The following FAM83D variants were observed in gnomAD, a reference collection of about 807,000 sequenced individuals.
FAM83D encodes protein FAM83D.
A neutral mutation model predicts 25.4 loss-of-function variants in FAM83D; 26 were observed. That is an observed-to-expected ratio of 1.02 (90% CI 0.75 to 1.42). FAM83D has a LOEUF of 1.42. FAM83D is among the 40% of genes most tolerant of loss of function. FAM83D has a pLI of 0.00. For synonymous variants in FAM83D, 310 were observed against 318.5 expected (o/e 0.97, Z 0.28); for missense variants, 740 against 758.1 (o/e 0.98, Z 0.28).
chr20:38,950,675 CAGCAGT>C (rs780343306), intron 3 of FAM83D, among the ~76,000 whole-genome samples: 1 of 150,306 alleles, frequency 6.7e-6, no homozygotes, highest in Non-Finnish European at 1.5e-5. Flanking sequence ...ATCTGGAGTC[CAGCAGT>C]AGCTCCCCTC....
At chr20:38,935,261 C>T (rs2085674080) in intron 1 of FAM83D, among the ~76,000 whole-genome samples, 1 of 152,170 alleles carries the variant, frequency 6.6e-6, no homozygotes, top group African/African-American at 2.4e-5. Context: ...CCCCTACCCC[C>T]TAACTTCTTG....
chr20:38,951,808 A>G lies in FAM83D; in HGVS notation c.1046A>G (p.Glu349Gly), dbSNP rs966553585. ...CCCAGGAAGGCGGACCTGGACCCAG[A>G]GATGCCCGCAGAGGGCAAGGCAGAG... The part of the protein sequence containing the change: ...STPRKADLDP[E>G]MPAEGKAERK... Residue 349 changes from glutamate to glycine, a missense_variant, in exon 4 of 4, where the codon GAG (glutamate) becomes GGG (glycine). Coordinates refer to ENST00000619850, the MANE Select transcript of FAM83D (RefSeq NM_030919.3). 2.5e-6 allele frequency: 4 copies of G among 1,614,162 alleles called. No homozygotes were observed. Among genetic ancestry groups the G allele is most frequent in the Non-Finnish European group, 3.4e-6 (4 of 1,180,012 alleles).
At chr20:38,927,498 C>CTTTT (rs1173092369) in intron 1 of FAM83D, among the ~76,000 whole-genome samples, 118 of 101,402 alleles carry the variant, frequency 1.2e-3, no homozygotes, top group African/African-American at 2.2e-3. Flanking sequence ...TCTTTCTTGT[C>CTTTT]TTTTTTTTTT....
chr20:38,950,448 A>G (rs1344613575), intron 3 of FAM83D, among the ~76,000 whole-genome samples: 1 of 152,186 alleles, frequency 6.6e-6, no homozygotes, highest in Non-Finnish European at 1.5e-5. Flanking sequence ...CCGTACAGGC[A>G]AGGGCACATG....
intron 2 of FAM83D, among the ~76,000 whole-genome samples, chr20:38,946,197 C>CAAAAAAAAAAAAAAAAAAAAA (rs56740383): frequency 1.3e-5 from 1 of 78,558 alleles, no homozygotes; most frequent in Non-Finnish European, 2.5e-5. Context: ...GACTCCACCT[C>CAAAAAAAAAAAAAAAAAAAAA]AAAAAAAAAA....
At chr20:38,931,657 C>T (rs557794040) in intron 1 of FAM83D, among the ~76,000 whole-genome samples, 3 of 152,220 alleles carry the variant, frequency 2.0e-5, no homozygotes, top group Admixed American at 6.5e-5. Flanking sequence ...AGCCAGGATA[C>T]GAGGCTCCTT....
At chr20:38,934,190 CT>C (rs140580299) in intron 1 of FAM83D, among the ~76,000 whole-genome samples, 21,681 of 152,026 alleles carry the variant, frequency 0.14, 1,643 homozygotes, top group Middle Eastern at 0.19. Context: ...CCCTTAGCGT[CT>C]AGCAGACAGT....
At chr20:38,931,911 C>T (rs895826116) in intron 1 of FAM83D, among the ~76,000 whole-genome samples, 10 of 152,190 alleles carry the variant, frequency 6.6e-5, no homozygotes, top group African/African-American at 1.9e-4. Context: ...GGGAAGGGAG[C>T]GGTAGATAGG....
At chr20:38,930,931 C>T (rs62204114) in intron 1 of FAM83D, among the ~76,000 whole-genome samples, 21,727 of 152,146 alleles carry the variant, frequency 0.14, 1,658 homozygotes, top group Middle Eastern at 0.19. Context: ...CCACTGCGCC[C>T]GGCCAATTTT....
At chr20:38,942,300 C>A in intron 2 of FAM83D, 174 bp downstream of exon 2, 1 of 658,762 alleles carries the variant, frequency 1.5e-6, no homozygotes, top group Non-Finnish European at 2.6e-6. Flanking sequence ...CCTGGCAATT[C>A]TCCTAGGTGT....
In FAM83D at chr20:38,952,568, T is replaced by C. The variant is rs766732469; in HGVS notation, c.*48T>C. ...GTTTCTTCCAGGCTTACAGTGGACATCATCAGCTTCCTGCTTTAAAAAATA... is the reference window on the plus strand; with the variant it reads ...GTTTCTTCCAGGCTTACAGTGGACACCATCAGCTTCCTGCTTTAAAAAATA... On this transcript the variant is annotated 3_prime_UTR_variant, in exon 4 of 4. Coordinates refer to ENST00000619850, the MANE Select transcript of FAM83D (RefSeq NM_030919.3). The C allele has an allele frequency of 8.4e-6, 13 of 1,552,546 alleles. No individual in the cohort carries two copies. The highest frequency in any genetic ancestry group is 1.4e-5 in the African/African-American group (1 of 72,920).
intron 1 of FAM83D, among the ~76,000 whole-genome samples, chr20:38,929,495 G>A (rs1286560194): frequency 6.6e-6 from 1 of 152,158 alleles, no homozygotes; most frequent in East Asian, 1.9e-4. Flanking sequence ...ATGTTTGGGG[G>A]CAGCCAAATT....
intron 1 of FAM83D, among the ~76,000 whole-genome samples, chr20:38,939,208 C>G (rs544353955): frequency 1.2e-4 from 19 of 152,316 alleles, no homozygotes; most frequent in African/African-American, 4.1e-4. Flanking sequence ...CTCCCATGCC[C>G]TTGTCCAAAT....
chr20:38,929,061 C>T (rs559855134), intron 1 of FAM83D, among the ~76,000 whole-genome samples: 6 of 151,968 alleles, frequency 3.9e-5, no homozygotes, highest in African/African-American at 1.4e-4. Context: ...CCTGTAATCC[C>T]AGCTACTTGG....
rs368827808 is a variant in FAM83D, at chr20:38,935,608, T to A, written c.484-6351T>A. Among the ~76,000 whole-genome samples, 66 of 152,296 alleles carry A rather than the reference T, an allele frequency of 4.3e-4. No individual in the cohort carries two copies. The South Asian group carries it at 0.014, about 32-fold the overall frequency. The stretch of plus-strand genomic sequence containing the variant: ...AAAGGCACATGCCACCACGCCCAGA[T>A]AATTAAAAAAATTTTTTCTGGAGAC... On this transcript the variant is annotated intron_variant, in intron 1 of 3. Coordinates refer to ENST00000619850, the MANE Select transcript of FAM83D (RefSeq NM_030919.3).
chr20:38,934,090 G>A (rs145447777), intron 1 of FAM83D, among the ~76,000 whole-genome samples: 393 of 152,136 alleles, frequency 2.6e-3, no homozygotes, highest in African/African-American at 9.2e-3. Flanking sequence ...TCCTGACGTC[G>A]TGATCTGCCC....
chr20:38,947,157 G>C (rs1031953686), intron 2 of FAM83D, among the ~76,000 whole-genome samples: 2 of 152,148 alleles, frequency 1.3e-5, no homozygotes, highest in African/African-American at 4.8e-5. Context: ...GTAGTATTTT[G>C]TATGCCATTG....
At chr20:38,950,795 G>A (rs1461509803) in intron 3 of FAM83D, among the ~76,000 whole-genome samples, 1 of 149,858 alleles carries the variant, frequency 6.7e-6, no homozygotes, top group Non-Finnish European at 1.5e-5. Flanking sequence ...ATATTTAGAA[G>A]CCCTATTTTT....
At chr20:38,935,546 A>C (rs2085675297) in intron 1 of FAM83D, among the ~76,000 whole-genome samples, 1 of 152,146 alleles carries the variant, frequency 6.6e-6, no homozygotes, top group Non-Finnish European at 1.5e-5. Flanking sequence ...AGGCTCAAGT[A>C]ATCCTCCTGC....
Sources: gnomAD v4.1 joint callset for allele counts (sites outside exome capture counted in the v4.1 genomes callset) on GRCh38, gnomAD v4.1.1 for gene constraint, MANE v1.5 for transcripts, NCBI Gene and HGNC (gene_info 2026-07-23, HGNC 2026-07-21) for gene names.